CLDN14: variants seen among roughly 807,000 people sequenced by gnomAD.
CLDN14 encodes the protein claudin-14.
Under a neutral mutation model 2.1 loss-of-function variants are expected in CLDN14, and 2 were observed. The ratio of observed to expected loss-of-function variants is 0.96; its 90% CI spans 0.39 to 3.01. CLDN14 has a LOEUF of 3.01. CLDN14 is among the 30% of genes most tolerant of loss of function. The pLI, the probability that CLDN14 is intolerant of heterozygous loss-of-function variation, is 0.09. For synonymous variants in CLDN14, 136 were observed against 154.4 expected, an observed-to-expected ratio of 0.88 and a Z score of 0.88; for missense variants, 298 against 328.0, an observed-to-expected ratio of 0.91 and a Z score of 0.71.
intron 1 of CLDN14, among the ~76,000 whole-genome samples, chr21:36,515,168 T>G (rs1036777226): frequency 6.6e-6 from 1 of 152,120 alleles, no homozygotes; most frequent in African/African-American, 2.4e-5. Flanking sequence ...AAAAATTTAG[T>G]ACAGAACTAT....
intron 2 of CLDN14, among the ~76,000 whole-genome samples, chr21:36,505,117 C>T (rs1030106759): frequency 6.6e-6 from 1 of 152,180 alleles, no homozygotes; most frequent in Admixed American, 6.5e-5. Flanking sequence ...CAAATTCTTA[C>T]CAATCTCCAC....
intron 1 of CLDN14, among the ~76,000 whole-genome samples, chr21:36,523,807 GAA>G (rs60100189): frequency 1.6e-5 from 2 of 126,352 alleles, no homozygotes. Flanking sequence ...AAGAAAGAAA[GAA>G]AGAAAGAAAG....
intron 2 of CLDN14, among the ~76,000 whole-genome samples, chr21:36,494,523 T>C (rs922583128): frequency 6.6e-5 from 10 of 152,214 alleles, no homozygotes; most frequent in African/African-American, 2.4e-4. Flanking sequence ...CAAATTTATA[T>C]GTTGAAGTCC....
chr21:36,539,751 G>C (rs1268429597), intron 1 of CLDN14, among the ~76,000 whole-genome samples: 1 of 150,510 alleles, frequency 6.6e-6, no homozygotes, highest in Non-Finnish European at 1.5e-5. Flanking sequence ...TGCGGAGTGA[G>C]TATGTCTGCA....
intron 2 of CLDN14, among the ~76,000 whole-genome samples, chr21:36,487,956 A>G (rs2086914313): frequency 6.6e-6 from 1 of 152,226 alleles, no homozygotes; most frequent in Non-Finnish European, 1.5e-5. Context: ...CTTAAAATAT[A>G]AAGAGATCAA....
intron 1 of CLDN14, among the ~76,000 whole-genome samples, chr21:36,569,407 C>A (rs147161514): frequency 1.0e-3 from 147 of 146,208 alleles, no homozygotes; most frequent in African/African-American, 3.7e-3. Context: ...CAGAGTGAGA[C>A]TCCGTCTCAA....
At chr21:36,545,937 A>G (rs1412855551) in intron 1 of CLDN14, among the ~76,000 whole-genome samples, 1 of 152,160 alleles carries the variant, frequency 6.6e-6, no homozygotes, top group Non-Finnish European at 1.5e-5. Flanking sequence ...GTCCTGCAAG[A>G]GCCCTTCAGC....
intron 2 of CLDN14, among the ~76,000 whole-genome samples, chr21:36,501,467 G>A (rs182828183): frequency 5.0e-4 from 74 of 149,226 alleles, no homozygotes; most frequent in Non-Finnish European, 8.0e-4. Flanking sequence ...GACCCAGGGC[G>A]GGTCACATTC....
At chr21:36,480,965 A>G (rs1386360457), upstream of CLDN14, 1 of 152,230 alleles carries the variant, frequency 6.6e-6, no homozygotes. Flanking sequence ...CAGCACATCC[A>G]GTAGTGTCAG....
intron 1 of CLDN14, among the ~76,000 whole-genome samples, chr21:36,534,711 T>A (rs16994243): frequency 0.018 from 2,740 of 152,294 alleles, 95 homozygotes; most frequent in African/African-American, 0.062. Context: ...TTGTCACTGA[T>A]ACCCTGAGTG....
chr21:36,524,720 G>C (rs2146496304), intron 1 of CLDN14, among the ~76,000 whole-genome samples: 1 of 152,302 alleles, frequency 6.6e-6, no homozygotes, highest in African/African-American at 2.4e-5. Flanking sequence ...GACAGCCACT[G>C]GCCACTTCCC....
intron 1 of CLDN14, among the ~76,000 whole-genome samples, chr21:36,563,107 GA>G (rs545898693): frequency 8.7e-4 from 132 of 152,174 alleles, no homozygotes; most frequent in African/African-American, 3.0e-3. Context: ...AGAAGGAAAG[GA>G]AAAAAATTAA....
intron 1 of CLDN14, among the ~76,000 whole-genome samples, chr21:36,525,662 G>A (rs2087320832): frequency 6.6e-6 from 1 of 152,198 alleles, no homozygotes; most frequent in African/African-American, 2.4e-5. Context: ...GGCGGGTGAT[G>A]GGTGTGGCAG....
intron 2 of CLDN14, among the ~76,000 whole-genome samples, chr21:36,508,244 G>T (rs962121205): frequency 6.6e-6 from 1 of 152,164 alleles, no homozygotes; most frequent in Non-Finnish European, 1.5e-5. Context: ...ATGGGTAAAA[G>T]GTGTTTGAGT....
intron 1 of CLDN14, among the ~76,000 whole-genome samples, chr21:36,528,992 C>T (rs1239772093): frequency 1.3e-5 from 2 of 152,188 alleles, no homozygotes; most frequent in Admixed American, 6.5e-5. Context: ...CAGGAGACTA[C>T]CCCCTTAGTA....
At chr21:36,514,820 C>G (rs1478347674) in intron 1 of CLDN14, among the ~76,000 whole-genome samples, 2 of 151,998 alleles carry the variant, frequency 1.3e-5, no homozygotes, top group Non-Finnish European at 2.9e-5. Flanking sequence ...TTGCCTCCAG[C>G]TTGAAATCAA....
chr21:36,526,536 G>A (rs559389871), intron 1 of CLDN14: 2 of 152,316 alleles, frequency 1.3e-5, no homozygotes, highest in South Asian at 2.1e-4. Context: ...TCCTGGAAAA[G>A]ACCATGAATC....
rs2087511931 is a variant in CLDN14 at position 36,544,214 on chromosome 21, T to C, written c.-220+32197A>G. On this transcript the variant is annotated intron_variant, in intron 1 of 2. Transcript: ENST00000342108. This position sits in a 1 kb window ranked among gnomAD's most constrained non-coding sequence, Gnocchi z 4.1. Reference sequence around the variant, plus strand: ...TCACACTACACCTTGGGCAGGTCCTTGCCCTGGGCCCCCTCTGCTGCCATC... The same window carrying C: ...TCACACTACACCTTGGGCAGGTCCTCGCCCTGGGCCCCCTCTGCTGCCATC... 6.6e-6 allele frequency among the ~76,000 whole-genome samples: 1 copy of C among 152,224 alleles called. No homozygotes were observed. Among genetic ancestry groups the C allele is most frequent in the Non-Finnish European group, 1.5e-5 (1 of 68,034 alleles).
In CLDN14 at chr21:36,521,170, T is replaced by C. The variant is rs184997191; in HGVS notation, c.-219-10670A>G. On this transcript the variant is annotated intron_variant, in intron 1 of 2. Coordinates refer to the CLDN14 transcript ENST00000342108. ...ACCACAATATATCTGAAAGTAGAGG[T>C]CATTCCGTAAAGATCAGCCTCTTCC... Among the ~76,000 whole-genome samples, 18 of 152,132 alleles carry C rather than the reference T, an allele frequency of 1.2e-4. No homozygotes were observed. In the East Asian group the frequency reaches 3.5e-3, roughly 29 times the overall value.
Sources: allele counts gnomAD v4.1 joint callset (sites outside exome capture counted in the v4.1 genomes callset), GRCh38; gene constraint gnomAD v4.1.1; non-coding constraint Gnocchi (gnomAD v3.1); transcripts MANE v1.5; gene names NCBI Gene and HGNC (gene_info 2026-07-23, HGNC 2026-07-21).